ADGRF5: variants seen among roughly 807,000 people sequenced by gnomAD.
ADGRF5 encodes G-protein coupled receptor 116.
A neutral mutation model predicts 132.3 loss-of-function variants in ADGRF5; 75 were observed. The ratio of observed to expected loss-of-function variants is 0.57; its 90% CI spans 0.47 to 0.69. The LOEUF is 0.69. ADGRF5 is among the 30% of genes least tolerant of loss of function. The pLI is 0.00. For missense variants in ADGRF5, 1,516 were observed against 1,630.6 expected (o/e 0.93, Z 1.21); for synonymous variants, 629 against 597.6 (o/e 1.05, Z -0.77).
In ADGRF5 at chr6:46,883,682, G is replaced by A. The variant is rs1772741425; in HGVS notation, c.506-17C>T. On this transcript the variant is annotated splice_polypyrimidine_tract_variant and intron_variant, in intron 5 of 20. Transcript: ENST00000283296. ...GGGTAACATCTGTTGAAAAACACAG[G>A]GCAATATTTAAAAATATGTTAATGT... 7.7e-7 allele frequency: 1 copy of A among 1,292,040 alleles called. No individual in the cohort carries two copies. The highest frequency in any genetic ancestry group is 1.5e-5 in the African/African-American group (1 of 66,512). The allele number at this position is 1,292,040 out of a possible 1,614,324, so 80.0% of individuals were successfully genotyped here. A position where few individuals can be genotyped will look rare whatever the true frequency, so the allele number is the denominator to read the frequency against.
chr6:46,859,501 A>G lies in ADGRF5; in HGVS notation c.2402T>C (p.Val801Ala). 1 of 1,612,000 alleles carries G rather than the reference A, an allele frequency of 6.2e-7. No homozygotes were observed. Among genetic ancestry groups the G allele is most frequent in the Non-Finnish European group, 8.5e-7 (1 of 1,178,542 alleles). ...GTTCAAGACGGGCTTGCCAAGGATG[A>G]CATTAACCGTAGAGAGCACGTGCTG... ...MMTHVLSTVN[V>A]ILGKPVLNTW... is the part of the protein sequence containing the mutation. The change falls in exon 17 of 21, where the codon GTC becomes GCC. Residue 801 changes from valine (V) to alanine (A), a missense_variant. Coordinates refer to ENST00000283296, the MANE Select transcript of ADGRF5 (RefSeq NM_001098518.2).
In ADGRF5 at chr6:46,893,625, A is replaced by G. The variant is rs570838889; in HGVS notation, c.158-5120T>C. On this transcript the variant is annotated intron_variant, in intron 3 of 20. Transcript: ENST00000283296. Reference sequence around the variant, plus strand: ...CAGGAGGCATGAGGACAGTTCCTCAACTTCTGTGTGTGTGTTTTGGATGCA... The same window carrying G: ...CAGGAGGCATGAGGACAGTTCCTCAGCTTCTGTGTGTGTGTTTTGGATGCA... Among the ~76,000 whole-genome samples the G allele has an allele frequency of 4.6e-5, 7 of 152,244 alleles. No homozygotes were observed. In the South Asian group the frequency reaches 1.5e-3, roughly 32 times the overall value.
At chr6:46,923,817 G>T (rs1188679948), upstream of ADGRF5, among the ~76,000 whole-genome samples, 1 of 152,176 alleles carries the variant, frequency 6.6e-6, no homozygotes, top group Non-Finnish European at 1.5e-5. Flanking sequence ...GGCCTCAGCG[G>T]CAACCCAGAA....
chr6:46,951,118 T>C (rs1232823761), intron 1 of ADGRF5, among the ~76,000 whole-genome samples: 1 of 152,192 alleles, frequency 6.6e-6, no homozygotes, highest in Non-Finnish European at 1.5e-5. Flanking sequence ...ACGACGTGTG[T>C]TTATTGACAG....
intron 1 of ADGRF5, among the ~76,000 whole-genome samples, chr6:46,953,642 G>GATATATGTATATATATATATATATAT (rs1778583659): frequency 2.4e-5 from 1 of 41,694 alleles, no homozygotes; most frequent in African/African-American, 9.6e-5. Flanking sequence ...TATATATATA[G>GATATATGTATATATATATATATATAT]ATATATGTGT....
At chr6:46,938,483 G>A (rs1297245460) in intron 1 of ADGRF5, among the ~76,000 whole-genome samples, 2 of 152,212 alleles carry the variant, frequency 1.3e-5, no homozygotes, top group Non-Finnish European at 2.9e-5. Flanking sequence ...GATAGGTGAG[G>A]CCACTGGAAG....
chr6:46,886,613 A>G (rs993961070), intron 4 of ADGRF5: 4 of 152,200 alleles, frequency 2.6e-5, no homozygotes, highest in African/African-American at 9.7e-5. Context: ...CCGGTTTTAA[A>G]TATCCTCAGT....
intron 1 of ADGRF5, among the ~76,000 whole-genome samples, chr6:46,928,063 A>G (rs545456240): frequency 6.6e-6 from 1 of 152,206 alleles, no homozygotes; most frequent in Non-Finnish European, 1.5e-5. Context: ...GGTGACAACC[A>G]CAGGAACATT....
At chr6:46,860,929 A>G (rs891985137) in intron 15 of ADGRF5, 35 bp from the exon 16 acceptor site, 9 of 1,545,070 alleles carry the variant, frequency 5.8e-6, no homozygotes, top group Non-Finnish European at 7.9e-6. Flanking sequence ...AAAAAAATTT[A>G]CCAATCAATT....
chr6:46,887,773 T>C lies in ADGRF5; in HGVS notation c.328+562A>G, dbSNP rs190116414. On this transcript the variant is annotated intron_variant, in intron 4 of 20. Coordinates refer to ENST00000283296, the MANE Select transcript of ADGRF5 (RefSeq NM_001098518.2). Reference sequence around the variant, plus strand: ...CTGTATACCAAGTCTTGGGTGATGGTTTCTGGAGACATAGGGAAGTTAGCA... The same window carrying C: ...CTGTATACCAAGTCTTGGGTGATGGCTTCTGGAGACATAGGGAAGTTAGCA... 4.4e-3 allele frequency among the ~76,000 whole-genome samples: 671 copies of C among 152,300 alleles called. 8 individuals are homozygous for C. The highest frequency in any genetic ancestry group is 0.031 in the South Asian group (151 of 4,820).
Position 46,860,882 on chromosome 6 carries a change from T to A in ADGRF5, c.2212A>T (p.Ser738Cys). Residue 738 changes from serine (S) to cysteine (C), a missense_variant, in exon 16 of 21, where the codon AGC becomes TGC. Physicochemically the swap from Ser to Cys is moderately radical, Grantham distance 112. Around this residue, in one of 2 missense-constraint regions of ADGRF5, gnomAD observed 945 missense variants for 929.4 expected, o/e 1.02. Transcript: ENST00000283296. The stretch of plus-strand genomic sequence containing the variant: ...GGGAGCATCTCATCCTGAGAGGGGC[T>A]CTTGATCAAAGCCTAGTAAAACAAA... ...LLQMAKALIK[S>C]PSQDEMLPTY... is the part of the protein sequence containing the mutation. The A allele has an allele frequency of 6.2e-7, 1 of 1,605,742 alleles. No individual in the cohort carries two copies. Among genetic ancestry groups the A allele is most frequent in the Non-Finnish European group, 8.5e-7 (1 of 1,174,834 alleles).
At chr6:46,941,461 GAAAAGAAAGA>G (rs1778080916) in intron 1 of ADGRF5, among the ~76,000 whole-genome samples, 3 of 44,046 alleles carry the variant, frequency 6.8e-5, no homozygotes, top group Admixed American at 2.1e-4. Flanking sequence ...GAAAAGAAAA[GAAAAGAAAGA>G]AAAGAAAAGA....
intron 4 of ADGRF5, among the ~76,000 whole-genome samples, chr6:46,885,268 A>T (rs1347365807): frequency 1.3e-5 from 2 of 151,920 alleles, no homozygotes; most frequent in East Asian, 1.9e-4. Flanking sequence ...TTCATATGCC[A>T]GTTGTGCTTT....
upstream of ADGRF5, among the ~76,000 whole-genome samples, chr6:46,924,597 A>G (rs181837028): frequency 2.1e-3 from 319 of 152,276 alleles, no homozygotes; most frequent in Non-Finnish European, 3.4e-3. Flanking sequence ...TATCTCTATC[A>G]TAGACCTCTC....
chr6:46,953,651 GTATATATATATATATATATATATA>G (rs61302381), intron 1 of ADGRF5, among the ~76,000 whole-genome samples: 26 of 42,186 alleles, frequency 6.2e-4, no homozygotes, highest in African/African-American at 1.1e-3. Context: ...AGATATATGT[GTATATATATATATATATATATATA>G]TATATATATA....
intron 1 of ADGRF5, among the ~76,000 whole-genome samples, chr6:46,931,899 G>A (rs1177952312): frequency 1.3e-5 from 2 of 152,062 alleles, no homozygotes; most frequent in African/African-American, 2.4e-5. Context: ...CAGCCTGGGT[G>A]ACAAAGTAAG....
chr6:46,903,494 G>C (rs1022436290), intron 2 of ADGRF5: 1 of 152,160 alleles, frequency 6.6e-6, no homozygotes, highest in Non-Finnish European at 1.5e-5. Context: ...GCCTGGAGTG[G>C]GGGTGGGTAG....
intron 3 of ADGRF5, among the ~76,000 whole-genome samples, chr6:46,898,626 A>C (rs1056904573): frequency 6.6e-6 from 1 of 152,198 alleles, no homozygotes; most frequent in African/African-American, 2.4e-5. Flanking sequence ...TTAAGAGCTT[A>C]ATAGAATGTG....
chr6:46,853,876 G>T lies in ADGRF5; in HGVS notation c.*116C>A. 1 of 673,182 alleles carries T rather than the reference G, an allele frequency of 1.5e-6. No homozygotes were observed. The highest frequency in any genetic ancestry group is 2.9e-5 in the East Asian group (1 of 33,934). 41.7% of individuals were successfully genotyped at this position (673,182 alleles called of 1,614,324 possible). ...TCTTCTCTATGAAAAAGTCTTTTTG[G>T]CATCTGCTCCCGGAAACCTGCCCCG... On this transcript the variant is annotated 3_prime_UTR_variant, in exon 21 of 21. Coordinates refer to ENST00000283296, the MANE Select transcript of ADGRF5 (RefSeq NM_001098518.2).
Sources: gnomAD v4.1 joint callset for allele counts (sites outside exome capture counted in the v4.1 genomes callset) on GRCh38, gnomAD v4.1.1 for gene constraint, gnomAD v4.1.1 regional missense constraint, MANE v1.5 for transcripts, NCBI Gene and HGNC (gene_info 2026-07-23, HGNC 2026-07-21) for gene names.